Variants in NDUFB5 observed in about 807,000 individuals in gnomAD.
NDUFB5 encodes NADH:ubiquinone oxidoreductase subunit B5.
NDUFB5 carries 19 observed loss-of-function variants against 19.4 expected under a neutral mutation model. The observed-to-expected ratio is 0.98, with a 90% CI of 0.68 to 1.43. The LOEUF is 1.43. NDUFB5 is among the 40% of genes most tolerant of loss of function. The pLI, the probability that NDUFB5 is intolerant of heterozygous loss-of-function variation, is 0.00. For missense variants in NDUFB5, 233 were observed against 236.5 expected (o/e 0.99, Z 0.10); for synonymous variants, 80 against 82.6 (o/e 0.97, Z 0.17).
In NDUFB5 at chr3:179,604,915, A is replaced by C. The variant is rs35399127; in HGVS notation, c.100A>C (p.Thr34Pro). 9.1e-3 allele frequency: 14,430 copies of C among 1,585,656 alleles called. 84 individuals carry two copies. Among genetic ancestry groups the C allele is most frequent in the Middle Eastern group, 0.041 (246 of 5,930 alleles). Reference sequence around the variant, plus strand: ...TCGCCTCGGATTTGGGGGCTTCCTCACTCGTGGCTTTCCGAAGGCTGCTGG... The same window carrying C: ...TCGCCTCGGATTTGGGGGCTTCCTCCCTCGTGGCTTTCCGAAGGCTGCTGG... ...GTRLGFGGFL[T>P]RGFPKAAAPV... Residue 34 changes from threonine to proline, a missense_variant, in exon 1 of 6, where the codon ACT becomes CCT. Coordinates refer to ENST00000259037, the MANE Select transcript of NDUFB5 (RefSeq NM_002492.4).
At chr3:179,623,863 A>T (rs1173287728) in intron 5 of NDUFB5, 57 bp from the exon 6 acceptor site, 1 of 1,606,000 alleles carries the variant, frequency 6.2e-7, no homozygotes, top group African/African-American at 1.3e-5. Flanking sequence ...GAAATGGCTC[A>T]TTAAATTTAT....
intron 1 of NDUFB5, among the ~76,000 whole-genome samples, chr3:179,613,050 A>G (rs1181171364): frequency 2.0e-5 from 3 of 152,076 alleles, no homozygotes; most frequent in Non-Finnish European, 4.4e-5. Flanking sequence ...TATTATGTTG[A>G]ATCCTTTTAG....
chr3:179,619,308 T>C (rs1576883956), intron 5 of NDUFB5, among the ~76,000 whole-genome samples: 1 of 141,656 alleles, frequency 7.1e-6, no homozygotes, highest in Non-Finnish European at 1.5e-5. Flanking sequence ...CATTAACTCA[T>C]TATTTAACAT....
chr3:179,610,886 A>T (rs111759352), intron 1 of NDUFB5, among the ~76,000 whole-genome samples: 1 of 152,254 alleles, frequency 6.6e-6, no homozygotes. Flanking sequence ...ATATGGATGT[A>T]TAAACAGAGT....
intron 2 of NDUFB5, 126 bp downstream of exon 2, chr3:179,615,185 G>A (rs1719344980): frequency 6.0e-6 from 3 of 498,646 alleles, no homozygotes. Context: ...TCTTTCTGTA[G>A]AAGATACTGA....
intron 1 of NDUFB5, chr3:179,614,713 A>G (rs534358858): frequency 1.7e-4 from 35 of 209,656 alleles, no homozygotes; most frequent in Admixed American, 1.3e-3. Flanking sequence ...TACTCAAATA[A>G]GACATTTTAA....
chr3:179,618,239 C>T (rs887314227), intron 4 of NDUFB5, 176 bp from the exon 5 acceptor site: 4 of 463,680 alleles, frequency 8.6e-6, no homozygotes, highest in African/African-American at 6.2e-5. Flanking sequence ...CTTTAAAATG[C>T]GGACAAAAAT....
intron 1 of NDUFB5, among the ~76,000 whole-genome samples, chr3:179,612,561 C>T (rs1418503415): frequency 1.3e-5 from 2 of 150,780 alleles, no homozygotes; most frequent in Admixed American, 6.6e-5. Flanking sequence ...CTGCAAGCTC[C>T]GCCTCCTGGG....
chr3:179,611,534 T>G (rs1213236691), intron 1 of NDUFB5, among the ~76,000 whole-genome samples: 1 of 151,858 alleles, frequency 6.6e-6, no homozygotes, highest in Non-Finnish European at 1.5e-5. Context: ...TGCCTCAGCC[T>G]CCCGAGTAGC....
chr3:179,606,372 T>C (rs981901434), intron 1 of NDUFB5, among the ~76,000 whole-genome samples: 2 of 152,172 alleles, frequency 1.3e-5, no homozygotes, highest in Non-Finnish European at 2.9e-5. Context: ...GGAGTCTTGC[T>C]CTGTTGCCCA....
intron 5 of NDUFB5, among the ~76,000 whole-genome samples, chr3:179,620,501 A>G (rs780840146): frequency 6.6e-6 from 1 of 152,228 alleles, no homozygotes; most frequent in Non-Finnish European, 1.5e-5. Flanking sequence ...AAGATCAGAT[A>G]GTTGTAGATA....
In NDUFB5 at chr3:179,616,037, A is replaced by T; in HGVS notation, c.268A>T (p.Asn90Tyr). The change falls in exon 3 of 6, where the codon AAT becomes TAT. Residue 90 changes from asparagine to tyrosine, a missense_variant. Asn to Tyr is a moderately radical substitution (Grantham distance 143, BLOSUM62 -2). Transcript: ENST00000259037. ...AGTAGCAATTTTCATAACTCTGGTG[A>T]ATGTATTCATTGGTAAGTCACTTCC... ...IPVAIFITLV[N>Y]VFIGQAELAE... The T allele has an allele frequency of 6.2e-7, 1 of 1,613,510 alleles. No homozygotes were observed. Among genetic ancestry groups the T allele is most frequent in the South Asian group, 1.1e-5 (1 of 90,988 alleles).
Position 179,624,329 on chromosome 3 carries a change from T to G in NDUFB5, c.*289T>G. 2 of 244,268 alleles carry G rather than the reference T, an allele frequency of 8.2e-6. No homozygotes were observed. The highest frequency in any genetic ancestry group is 1.6e-5 in the Non-Finnish European group (2 of 128,046). The allele number at this position is 244,268 out of a possible 1,614,324, so 15.1% of individuals were successfully genotyped here. A position where few individuals can be genotyped will look rare whatever the true frequency, so the allele number is the denominator to read the frequency against. ...ACCTGACAAATGGAAGTTATAGAAG[T>G]CTAATAATGTTAAGCACCAGTAATT... is the stretch of plus-strand genomic sequence containing the variant. On this transcript the variant is annotated 3_prime_UTR_variant, in exon 6 of 6. Coordinates refer to ENST00000259037, the MANE Select transcript of NDUFB5 (RefSeq NM_002492.4).
At chr3:179,617,131 T>G in intron 4 of NDUFB5, 87 bp downstream of exon 4, 2 of 1,086,028 alleles carry the variant, frequency 1.8e-6, no homozygotes, top group South Asian at 1.4e-5. Context: ...TATGATATAG[T>G]CAGGTTTTTT....
intron 1 of NDUFB5, among the ~76,000 whole-genome samples, chr3:179,610,283 G>T (rs1045929065): frequency 2.0e-5 from 3 of 152,146 alleles, no homozygotes; most frequent in African/African-American, 7.2e-5. Flanking sequence ...TTGTAGAGAT[G>T]AGATCTTGCT....
intron 1 of NDUFB5, among the ~76,000 whole-genome samples, chr3:179,607,988 T>G (rs901681280): frequency 6.6e-6 from 1 of 151,980 alleles, no homozygotes; most frequent in Non-Finnish European, 1.5e-5. Context: ...TGCATCTAGG[T>G]TTTGTTTGTT....
At chr3:179,610,831 A>G (rs925446424) in intron 1 of NDUFB5, among the ~76,000 whole-genome samples, 2 of 152,232 alleles carry the variant, frequency 1.3e-5, no homozygotes, top group African/African-American at 4.8e-5. Flanking sequence ...ATAATTGAAG[A>G]CTGATATGCA....
intron 1 of NDUFB5, among the ~76,000 whole-genome samples, chr3:179,614,103 T>G (rs1719316244): frequency 6.6e-6 from 1 of 152,226 alleles, no homozygotes; most frequent in Non-Finnish European, 1.5e-5. Flanking sequence ...AGTGAAAAGA[T>G]AGGAACCTTC....
chr3:179,604,849 G>C lies in NDUFB5; in HGVS notation c.34G>C (p.Val12Leu). 1 of 1,604,888 alleles carries C rather than the reference G, an allele frequency of 6.2e-7. No homozygotes were observed. Among genetic ancestry groups the C allele is most frequent in the Non-Finnish European group, 8.5e-7 (1 of 1,177,698 alleles). Residue 12 changes from valine (V) to leucine (L), a missense_variant, in exon 1 of 6, where the codon GTT (valine) becomes CTT (leucine). Coordinates refer to ENST00000259037, the MANE Select transcript of NDUFB5 (RefSeq NM_002492.4). ...CATGAGTTTGTTGCGGCGGGTTTCG[G>C]TTACTGCGGTGGCAGCTCTGTCTGG... is the stretch of plus-strand genomic sequence containing the variant. ...AAMSLLRRVS[V>L]TAVAALSGRP...
Sources: gnomAD v4.1 joint callset for allele counts (sites outside exome capture counted in the v4.1 genomes callset) on GRCh38, gnomAD v4.1.1 for gene constraint, MANE v1.5 for transcripts, NCBI Gene and HGNC (gene_info 2026-07-23, HGNC 2026-07-21) for gene names.